PLEC: variants seen among roughly 807,000 people sequenced by gnomAD.
PLEC encodes plectin, also known as hemidesmosomal protein 1.
In PLEC, 216 loss-of-function variants were observed where a neutral mutation model predicts 392.8. The ratio of observed to expected loss-of-function variants is 0.55; its 90% CI spans 0.49 to 0.62. PLEC has a LOEUF of 0.62. Ranked by LOEUF, PLEC falls within the 20% of genes least tolerant of loss-of-function variation. The pLI is 0.00. For missense variants in PLEC, 6,863 were observed against 6,563.4 expected (o/e 1.05, Z -1.58); for synonymous variants, 3,621 against 2,980.6 (o/e 1.21, Z -7.00).
In PLEC at chr8:143,924,460, G is replaced by A. The variant is rs771101893; in HGVS notation, c.5469C>T (p.Asp1823=). ...CCGCCTCGGCCCGCTGCCGCGCCGC[G>A]TCTTCCTCGGCCAGCTGCCGCTGCC... is the stretch of plus-strand genomic sequence containing the variant. ...AKRQRQLAEE[D]AARQRAEAER... Residue 1823 remains aspartate, a synonymous_variant, in exon 31 of 32, where the codon GAC becomes GAT. Coordinates refer to ENST00000345136, the MANE Select transcript of PLEC (RefSeq NM_201384.3). 7.3e-5 allele frequency: 113 copies of A among 1,544,304 alleles called. No individual in the cohort carries two copies. The highest frequency in any genetic ancestry group is 1.8e-4 in the Middle Eastern group (1 of 5,466).
rs549777807 is a variant in PLEC, at chr8:143,935,456, G to A, written c.603-143C>T. ...CACCCTGAAAAATACACTGTCACAT[G>A]GGCAGAGCTGAGAGCACCCTGCCAC... On this transcript the variant is annotated intron_variant, in intron 6 of 31. Coordinates refer to ENST00000345136, the MANE Select transcript of PLEC (RefSeq NM_201384.3). 4.3e-5 allele frequency: 30 copies of A among 705,302 alleles called. No homozygotes were observed. In the African/African-American group the frequency reaches 4.9e-4, roughly 11 times the overall value. The allele number at this position is 705,302 out of a possible 1,614,324, so 43.7% of individuals were successfully genotyped here. A position where few individuals can be genotyped will look rare whatever the true frequency, so the allele number is the denominator to read the frequency against.
At chr8:143,944,608 G>A (rs782574466) in intron 1 of PLEC, 3 of 1,247,370 alleles carry the variant, frequency 2.4e-6, no homozygotes, top group Admixed American at 3.2e-5. Context: ...CCCAGCAAGG[G>A]GCCAGGATTT....
intron 20 of PLEC, 25 bp downstream of exon 20, chr8:143,930,359 C>T: frequency 6.3e-7 from 1 of 1,578,602 alleles, no homozygotes; most frequent in Non-Finnish European, 8.6e-7. Flanking sequence ...CCACGCCCCC[C>T]AGTGGACCCC....
chr8:143,944,575 G>A, upstream of PLEC: 2 of 962,004 alleles, frequency 2.1e-6, no homozygotes, highest in Non-Finnish European at 2.9e-6. Flanking sequence ...TCCAGCCTCA[G>A]CCCCAGCCCT....
upstream of PLEC, chr8:143,943,998 G>T: frequency 1.3e-6 from 2 of 1,516,430 alleles, no homozygotes; most frequent in Admixed American, 2.0e-5. Context: ...GGAGCGCCGG[G>T]ACCGGAGCCT....
upstream of PLEC, among the ~76,000 whole-genome samples, chr8:143,943,058 T>C (rs1362628249): frequency 1.3e-5 from 2 of 152,168 alleles, no homozygotes; most frequent in African/African-American, 4.8e-5. Context: ...TCCTGGCAGC[T>C]GAGTCCCCGG....
At position 143,922,185 on chromosome 8, in the gene PLEC, G is replaced by T. The variant is rs1554688741; in HGVS notation, c.7636C>A (p.Gln2546Lys). The T allele has an allele frequency of 6.5e-7, 1 of 1,546,258 alleles. No individual in the cohort carries two copies. Among genetic ancestry groups the T allele is most frequent in the Non-Finnish European group, 8.7e-7 (1 of 1,150,336 alleles). ...RQQQQMEQER[Q>K]RLVASMEEAR... ...TCCTCCATGCTGGCCACCAGCCGCTGCCGTTCCTGCTCCATCTGCTGCTGC... is the reference window on the plus strand; with the variant it reads ...TCCTCCATGCTGGCCACCAGCCGCTTCCGTTCCTGCTCCATCTGCTGCTGC... The change falls in exon 32 of 32, where the codon CAG becomes AAG. Residue 2546 changes from glutamine (Q) to lysine (K), a missense_variant. Physicochemically the swap from Gln to Lys is moderately conservative, Grantham distance 53. Transcript: ENST00000345136.
chr8:143,927,702 C>A lies in PLEC; in HGVS notation c.3464G>T (p.Gly1155Val). 1 of 1,585,452 alleles carries A rather than the reference C, an allele frequency of 6.3e-7. No individual in the cohort carries two copies. Among genetic ancestry groups the A allele is most frequent in the Admixed American group, 1.7e-5 (1 of 58,150 alleles). ...CAGTCGCTCCCCCACCTCCTGTGCC[C>A]CCCGCAGCTCATCCCGCAGGGCGTC... ...TFDALRDELRGAQEVGERLQQ... is the reference protein window; with the variant it reads ...TFDALRDELRVAQEVGERLQQ... Residue 1155 changes from glycine to valine, a missense_variant, in exon 27 of 32, where the codon GGG becomes GTG. Coordinates refer to ENST00000345136, the MANE Select transcript of PLEC (RefSeq NM_201384.3).
chr8:143,932,457 C>T lies in PLEC; in HGVS notation c.1920G>A (p.Val640=). The part of the protein sequence containing the change: ...MWLNEKEEEE[V]GFDWSDRNTN... ...TGTTGCGGTCGCTCCAGTCGAAGCC[C>T]ACCTCCTCCTCCTCCTTCTCATTCA... Residue 640 remains valine, a synonymous_variant, in exon 16 of 32, where the codon GTG becomes GTA. Coordinates refer to ENST00000345136, the MANE Select transcript of PLEC (RefSeq NM_201384.3). 1 of 1,612,850 alleles carries T rather than the reference C, an allele frequency of 6.2e-7. No homozygotes were observed. Among genetic ancestry groups the T allele is most frequent in the African/African-American group, 1.3e-5 (1 of 75,064 alleles).
At position 143,969,492 on chromosome 8, in the gene PLEC, C is replaced by A. The variant is rs1587421744; in HGVS notation, c.70+3911G>T. Among the ~76,000 whole-genome samples the A allele has an allele frequency of 2.0e-5, 3 of 152,346 alleles. No individual in the cohort carries two copies. The South Asian group carries it at 6.2e-4, about 32-fold the overall frequency. ...CAGTCGCCCAGCCCCCCAAGCCTGG[C>A]CTGTGACAGCTCATAGAGGCTGGGC... On this transcript the variant is annotated intron_variant, in intron 1 of 31. Coordinates refer to the PLEC transcript ENST00000356346. This position sits in a 1 kb window ranked among gnomAD's most constrained non-coding sequence, Gnocchi z 5.1.
Position 143,936,032 on chromosome 8 carries a change from G to A in PLEC, c.436-18C>T, listed in dbSNP as rs1183265174. 1.1e-5 allele frequency: 17 copies of A among 1,609,912 alleles called. No individual in the cohort carries two copies. The highest frequency in any genetic ancestry group is 2.2e-5 in the East Asian group (1 of 44,902). On this transcript the variant is annotated intron_variant, in intron 5 of 31. Transcript: ENST00000345136. ...TCTGAGATCTGCTCACAGCAGAGAGGAGGCCACAGCTCAGCCACAGCCACC... is the reference window on the plus strand; with the variant it reads ...TCTGAGATCTGCTCACAGCAGAGAGAAGGCCACAGCTCAGCCACAGCCACC...
chr8:143,955,090 C>G (rs1832517959), upstream of PLEC, among the ~76,000 whole-genome samples: 1 of 152,206 alleles, frequency 6.6e-6, no homozygotes, highest in South Asian at 2.1e-4. Flanking sequence ...CTGCCCGTCC[C>G]TGCCCTCCCT....
chr8:143,959,876 G>C (rs1346218671), intron 1 of PLEC, among the ~76,000 whole-genome samples: 3 of 151,970 alleles, frequency 2.0e-5, no homozygotes, highest in African/African-American at 7.3e-5. Context: ...GGCGCCTGTA[G>C]TCCCAGCTAC....
rs1586809315 is a variant in PLEC at position 143,919,912 on chromosome 8, C to A, written c.9909G>T (p.Leu3303=). 5 of 1,613,148 alleles carry A rather than the reference C, an allele frequency of 3.1e-6. No individual in the cohort carries two copies. Among genetic ancestry groups the A allele is most frequent in the Non-Finnish European group, 4.2e-6 (5 of 1,180,006 alleles). The part of the protein sequence containing the change: ...EEVETLRQER[L]SFSGLRAPVP... ...CAGGGGCACGGAGGCCGCTGAAGGA[C>A]AGCCTCTCCTGCCGCAGGGTCTCCA... is the stretch of plus-strand genomic sequence containing the variant. The change falls in exon 32 of 32, where the codon CTG becomes CTT. Residue 3303 remains leucine, a synonymous_variant. Coordinates refer to ENST00000345136, the MANE Select transcript of PLEC (RefSeq NM_201384.3).
Position 143,920,797 on chromosome 8 carries a change from T to A in PLEC, c.9024A>T (p.Arg3008=). ...QQLQRGERSV[R]DVAEVDTVRR... ...GCACAGTGTCCACCTCGGCTACGTC[T>A]CGCACAGAGCGCTCACCTCGCTGCA... The change falls in exon 32 of 32, where the codon CGA becomes CGT. Residue 3008 remains arginine, a synonymous_variant. Coordinates refer to ENST00000345136, the MANE Select transcript of PLEC (RefSeq NM_201384.3). The A allele has an allele frequency of 6.2e-7, 1 of 1,607,782 alleles. No homozygotes were observed. Among genetic ancestry groups the A allele is most frequent in the Non-Finnish European group, 8.5e-7 (1 of 1,179,926 alleles).
rs1829221550 is a variant in PLEC, at chr8:143,936,976, T to A, written c.435+3A>T. 5 of 1,608,896 alleles carry A rather than the reference T, an allele frequency of 3.1e-6. No individual in the cohort carries two copies. The highest frequency in any genetic ancestry group is 3.4e-6 in the Non-Finnish European group (4 of 1,176,358). The stretch of plus-strand genomic sequence containing the variant: ...GTGGGGGTCCTGGGGGCAGCCGTTC[T>A]ACCTGGAAGTGCAGAATGATTGTCC... On this transcript the variant is annotated splice_donor_region_variant and intron_variant, in intron 5 of 31. Transcript: ENST00000345136.
Position 143,937,002 on chromosome 8 carries a change from A to G in PLEC, c.412T>C (p.Trp138Arg). ...ACCTGGAAGTGCAGAATGATTGTCC[A>G]GATGAGGCCAAGGGTCAGCTTGGGG... is the stretch of plus-strand genomic sequence containing the variant. ...GNPKLTLGLI[W>R]TIILHFQISD... The change falls in exon 5 of 32, where the codon TGG becomes CGG. Residue 138 changes from tryptophan (W) to arginine (R), a missense_variant. Trp to Arg is a moderately radical substitution (Grantham distance 101). Transcript: ENST00000345136. 6.2e-7 allele frequency: 1 copy of G among 1,612,776 alleles called. No individual in the cohort carries two copies. Among genetic ancestry groups the G allele is most frequent in the Non-Finnish European group, 8.5e-7 (1 of 1,179,578 alleles).
chr8:143,973,451 C>G lies in PLEC; in HGVS notation c.22G>C (p.Glu8Gln). ...TCGTAGGCCTGGATGAAGTCCTGCT[C>G]GTCGGGCAGCGGGCCGGCCATGCCG... Residue 8 changes from glutamate (E) to glutamine (Q), a missense_variant, in exon 1 of 32, where the codon GAG becomes CAG. By Grantham distance (29) the Glu-to-Gln change is conservative. Coordinates refer to the PLEC transcript ENST00000356346. The surrounding 1 kb of genome is among the most constrained non-coding windows in gnomAD (Gnocchi z 5.6). 2 of 1,520,010 alleles carry G rather than the reference C, an allele frequency of 1.3e-6. No individual in the cohort carries two copies. Among genetic ancestry groups the G allele is most frequent in the East Asian group, 2.7e-5 (1 of 36,862 alleles). The allele number at this position is 1,520,010 out of a possible 1,614,324, so 94.2% of individuals were successfully genotyped here. A position where few individuals can be genotyped will look rare whatever the true frequency, so the allele number is the denominator to read the frequency against.
At position 143,919,392 on chromosome 8, in the gene PLEC, G is replaced by C; in HGVS notation, c.10429C>G (p.Pro3477Ala). ...ACAGGCACGCGGTGGCTGTGCACGG[G>C]GTCGATGATGCCGCCCGTGGCGATC... ...AQIATGGIID[P>A]VHSHRVPVDV... The change falls in exon 32 of 32, where the codon CCC becomes GCC. Residue 3477 changes from proline (P) to alanine (A), a missense_variant. Pro to Ala is a conservative substitution (Grantham distance 27, BLOSUM62 -1). Transcript: ENST00000345136. 6.2e-7 allele frequency: 1 copy of C among 1,613,614 alleles called. No individual in the cohort carries two copies. Among genetic ancestry groups the C allele is most frequent in the South Asian group, 1.1e-5 (1 of 91,076 alleles).
Sources: allele counts gnomAD v4.1 joint callset (sites outside exome capture counted in the v4.1 genomes callset), GRCh38; gene constraint gnomAD v4.1.1; non-coding constraint Gnocchi (gnomAD v3.1); transcripts MANE v1.5; gene names NCBI Gene and HGNC (gene_info 2026-07-23, HGNC 2026-07-21).